The following CTNNA2 variants were observed in gnomAD, a reference collection of about 807,000 sequenced individuals.
CTNNA2 encodes catenin alpha-2.
Under a neutral mutation model 101.0 loss-of-function variants are expected in CTNNA2, and 42 were observed. That is an observed-to-expected ratio of 0.42 (90% CI 0.32 to 0.54). CTNNA2 has a LOEUF of 0.54. Among genes scored for constraint, CTNNA2 ranks in the 20% least tolerant of loss-of-function variants. CTNNA2 has a pLI of 0.14. For synonymous variants in CTNNA2, 450 were observed against 456.4 expected, an observed-to-expected ratio of 0.99 and a Z score of 0.18; for missense variants, 871 against 1,223.1, an observed-to-expected ratio of 0.71 and a Z score of 4.29.
At chr2:79,544,582 T>G (rs540905366) in intron 1 of CTNNA2, among the ~76,000 whole-genome samples, 11 of 152,124 alleles carry the variant, frequency 7.2e-5, no homozygotes, top group African/African-American at 2.7e-4. Context: ...AAATAAGCTT[T>G]TTATGAAAGT....
intron 7 of CTNNA2, among the ~76,000 whole-genome samples, chr2:80,051,850 A>T (rs148800740): frequency 8.5e-5 from 13 of 152,282 alleles, no homozygotes; most frequent in African/African-American, 2.9e-4. Context: ...TTTCCATGGG[A>T]GCAATGCCAT....
chr2:80,201,043 G>A (rs1707173950), intron 7 of CTNNA2, among the ~76,000 whole-genome samples: 1 of 152,034 alleles, frequency 6.6e-6, no homozygotes, highest in African/African-American at 2.4e-5. Context: ...AAATGGCATA[G>A]TATTTACACA....
At chr2:80,379,061 A>G (rs993287763) in intron 7 of CTNNA2, among the ~76,000 whole-genome samples, 1 of 152,074 alleles carries the variant, frequency 6.6e-6, no homozygotes. Context: ...GCATAATTAC[A>G]AGGGAACGGA....
chr2:80,156,254 G>A (rs558031404), intron 7 of CTNNA2, among the ~76,000 whole-genome samples: 3 of 152,224 alleles, frequency 2.0e-5, no homozygotes, highest in Non-Finnish European at 4.4e-5. Flanking sequence ...AATCCCATCC[G>A]CTACACACTT....
rs773287353 is a variant in CTNNA2 at position 80,608,204 on chromosome 2, G to A, written c.2316G>A (p.Lys772=). 5 of 1,610,150 alleles carry A rather than the reference G, an allele frequency of 3.1e-6. No individual in the cohort carries two copies. Among genetic ancestry groups the A allele is most frequent in the Non-Finnish European group, 4.2e-6 (5 of 1,177,306 alleles). ...TATAGTGTCCTGATTCAGCATGTAA[G>A]CAGGATTTATTAGCCTACCTTCAAC... ...VADQCPDSAC[K]QDLLAYLQRI... The change falls in exon 17 of 19, where the codon AAG becomes AAA. Residue 772 remains lysine (K), a synonymous_variant. Coordinates refer to ENST00000402739, the MANE Select transcript of CTNNA2 (RefSeq NM_001282597.3).
intron 2 of CTNNA2, among the ~76,000 whole-genome samples, chr2:79,297,996 A>T (rs918127538): frequency 6.6e-6 from 1 of 152,218 alleles, no homozygotes; most frequent in Non-Finnish European, 1.5e-5. Flanking sequence ...TAGTCAAGGC[A>T]TCATTATTTC....
chr2:79,750,039 C>T (rs80327024), intron 3 of CTNNA2, among the ~76,000 whole-genome samples: 5,533 of 152,170 alleles, frequency 0.036, 344 homozygotes, highest in African/African-American at 0.12. Flanking sequence ...GGTAGTTGCA[C>T]GTGGTGTCCG....
rs796085132 is a variant in CTNNA2, at chr2:79,982,318, A to T, written c.1056+72521A>T. On this transcript the variant is annotated intron_variant, in intron 7 of 18. Transcript: ENST00000402739. ...ATAACATATATAAAACATATATAAC[A>T]TATATAACACACATATAAAACATAT... Among the ~76,000 whole-genome samples the T allele has an allele frequency of 3.5e-5, 5 of 140,908 alleles. 1 individual carries two copies. In the South Asian group the frequency reaches 8.6e-4, roughly 24 times the overall value. The allele number at this position is 140,908 out of a possible 152,430, so 92.4% of individuals were successfully genotyped here.
intron 9 of CTNNA2, among the ~76,000 whole-genome samples, chr2:80,493,980 G>C (rs1687252735): frequency 6.6e-6 from 1 of 152,178 alleles, no homozygotes; most frequent in Non-Finnish European, 1.5e-5. Context: ...CGTAGCAGCT[G>C]AATGAAGGTT....
At chr2:79,641,261 G>A (rs1680431313) in intron 1 of CTNNA2, among the ~76,000 whole-genome samples, 1 of 152,136 alleles carries the variant, frequency 6.6e-6, no homozygotes, top group South Asian at 2.1e-4. Flanking sequence ...CTAAAGGAAG[G>A]CAGTTTGGTG....
intron 1 of CTNNA2, among the ~76,000 whole-genome samples, chr2:79,196,260 G>T (rs1673959691): frequency 6.6e-6 from 1 of 152,134 alleles, no homozygotes; most frequent in South Asian, 2.1e-4. Flanking sequence ...TCTAGAGTTT[G>T]AAATGCATTT....
At chr2:79,933,947 A>T (rs1388589685) in intron 7 of CTNNA2, among the ~76,000 whole-genome samples, 2 of 152,254 alleles carry the variant, frequency 1.3e-5, no homozygotes, top group African/African-American at 4.8e-5. Flanking sequence ...TCAGTAATAA[A>T]TATAAAATTT....
At chr2:79,580,570 G>A (rs1212542187) in intron 1 of CTNNA2, among the ~76,000 whole-genome samples, 1 of 152,172 alleles carries the variant, frequency 6.6e-6, no homozygotes, top group African/African-American at 2.4e-5. Context: ...CTAGAGAACT[G>A]TAAAGTAACA....
chr2:79,997,955 G>C (rs905486949), intron 7 of CTNNA2, among the ~76,000 whole-genome samples: 1 of 152,150 alleles, frequency 6.6e-6, no homozygotes, highest in Admixed American at 6.5e-5. Flanking sequence ...AGGCTGCTTA[G>C]AATAGACAGC....
At chr2:80,029,636 T>C in intron 7 of CTNNA2, 1 of 147,004 alleles carries the variant, frequency 6.8e-6, no homozygotes, top group Non-Finnish European at 1.5e-5. Context: ...TAGGACAGCC[T>C]GGGATTTTTT....
chr2:79,423,000 T>C (rs1332443148), intron 4 of CTNNA2, among the ~76,000 whole-genome samples: 1 of 152,184 alleles, frequency 6.6e-6, no homozygotes, highest in Non-Finnish European at 1.5e-5. Context: ...TAGTTGCAAA[T>C]TGTTTGACTC....
At chr2:80,193,094 A>C (rs1358217926) in intron 7 of CTNNA2, among the ~76,000 whole-genome samples, 2 of 152,178 alleles carry the variant, frequency 1.3e-5, no homozygotes, top group Non-Finnish European at 2.9e-5. Flanking sequence ...ATATGCTTTC[A>C]TATTCATAAA....
chr2:80,434,443 C>T (rs1054070156), intron 9 of CTNNA2, among the ~76,000 whole-genome samples: 2 of 147,908 alleles, frequency 1.4e-5, no homozygotes, highest in Non-Finnish European at 3.0e-5. Context: ...ATGATCGCTA[C>T]TTCGATTGTT....
chr2:79,712,371 G>A (rs1381058039), intron 2 of CTNNA2, among the ~76,000 whole-genome samples: 1 of 152,138 alleles, frequency 6.6e-6, no homozygotes, highest in Non-Finnish European at 1.5e-5. Flanking sequence ...CCATGCAGTT[G>A]GGCTGAGGCT....
Sources: gnomAD v4.1 joint callset for allele counts (sites outside exome capture counted in the v4.1 genomes callset) on GRCh38, gnomAD v4.1.1 for gene constraint, MANE v1.5 for transcripts, NCBI Gene and HGNC (gene_info 2026-07-23, HGNC 2026-07-21) for gene names.